The following AK5 variants were observed in gnomAD, a reference collection of about 807,000 sequenced individuals.
The protein encoded by AK5 is adenylate kinase isoenzyme 5.
A neutral mutation model predicts 69.5 loss-of-function variants in AK5; 27 were observed. The ratio of observed to expected loss-of-function variants is 0.39; its 90% confidence interval spans 0.29 to 0.54. The LOEUF is 0.54. AK5 is among the 20% of genes least tolerant of loss of function. AK5 has a pLI of 0.71. For missense variants in AK5, 531 were observed against 700.4 expected (o/e 0.76, Z 2.73); for synonymous variants, 260 against 244.4 (o/e 1.06, Z -0.60).
intron 8 of AK5, among the ~76,000 whole-genome samples, chr1:77,447,360 A>G (rs1396919508): frequency 6.6e-6 from 1 of 152,246 alleles, no homozygotes; most frequent in Non-Finnish European, 1.5e-5. Context: ...AAGGAATTCA[A>G]TAGATTTCCA....
chr1:77,484,505 C>T (rs1187071621), intron 9 of AK5, among the ~76,000 whole-genome samples: 1 of 152,098 alleles, frequency 6.6e-6, no homozygotes, highest in Admixed American at 6.5e-5. Context: ...ATCACAGTCA[C>T]CAAATGACAT....
chr1:77,341,896 T>C (rs113717268), intron 6 of AK5, among the ~76,000 whole-genome samples: 56 of 152,140 alleles, frequency 3.7e-4, no homozygotes, highest in African/African-American at 1.3e-3. Flanking sequence ...TGGTTTTTGT[T>C]TTGTTTTGGT....
chr1:77,430,029 G>C (rs933350975), intron 8 of AK5, among the ~76,000 whole-genome samples: 1 of 152,018 alleles, frequency 6.6e-6, no homozygotes, highest in African/African-American at 2.4e-5. Context: ...TCTGAGGAGG[G>C]AGGAGAGTGT....
chr1:77,542,066 C>T (rs1659306800), intron 13 of AK5, among the ~76,000 whole-genome samples: 2 of 152,194 alleles, frequency 1.3e-5, no homozygotes, highest in South Asian at 4.1e-4. Context: ...CGGTGGCTCA[C>T]ACCTGTAATC....
rs749712310 is a variant in AK5 at position 77,499,869 on chromosome 1, C to CTTTTTTTTTTTT, written c.1147+13517_1147+13518insTTTTTTTTTTTT. On this transcript the variant is annotated intron_variant, in intron 10 of 13. Transcript: ENST00000354567. ...GATGACAGAGACCATGCCCTTTTTC[C>CTTTTTTTTTTTT]ATTTTTTTTTTTTTTTTTTTTTTTT... 5.2e-4 allele frequency among the ~76,000 whole-genome samples: 41 copies of CTTTTTTTTTTTT among 78,780 alleles called. 3 individuals are homozygous for CTTTTTTTTTTTT. Among genetic ancestry groups the CTTTTTTTTTTTT allele is most frequent in the Non-Finnish European group, 6.7e-4 (28 of 42,052 alleles). 51.7% of individuals were successfully genotyped at this position (78,780 alleles called of 152,430 possible).
intron 5 of AK5, among the ~76,000 whole-genome samples, chr1:77,319,595 A>G (rs887578547): frequency 1.3e-5 from 2 of 152,132 alleles, no homozygotes; most frequent in African/African-American, 4.8e-5. Flanking sequence ...AACATTTTGT[A>G]TTTTCTGCAC....
chr1:77,470,848 TATATATATATATATATATATA>T (rs1253501663), intron 8 of AK5, among the ~76,000 whole-genome samples: 241 of 12,832 alleles, frequency 0.019, 15 homozygotes, highest in East Asian at 0.056. Context: ...TATATATATA[TATATATATATATATATATATA>T]TATATATTTT....
At chr1:77,311,159 C>T (rs1659931394) in intron 5 of AK5, among the ~76,000 whole-genome samples, 1 of 152,116 alleles carries the variant, frequency 6.6e-6, no homozygotes, top group Non-Finnish European at 1.5e-5. Context: ...CTTCTTACCA[C>T]TGCCACCTTC....
intron 10 of AK5, among the ~76,000 whole-genome samples, chr1:77,487,007 TGCC>T (rs1258978300): frequency 1.3e-5 from 2 of 152,234 alleles, no homozygotes; most frequent in African/African-American, 4.8e-5. Context: ...ATGCATCAAT[TGCC>T]TCATGTTCAA....
In AK5 at chr1:77,369,700, A is replaced by G. The variant is rs1647083832; in HGVS notation, c.891+29132A>G. On this transcript the variant is annotated intron_variant, in intron 6 of 13. Transcript: ENST00000354567. ...AAATGGTAAATGTGAATTCTTTAAA[A>G]TAAGAATGTACAATATTAGAATTAC... Among the ~76,000 whole-genome samples the G allele has an allele frequency of 3.9e-5, 6 of 152,348 alleles. No individual in the cohort carries two copies. The South Asian group carries it at 1.2e-3, about 32-fold the overall frequency.
At chr1:77,499,853 G>A (rs1656592523) in intron 10 of AK5, among the ~76,000 whole-genome samples, 1 of 132,066 alleles carries the variant, frequency 7.6e-6, no homozygotes, top group South Asian at 2.7e-4. Context: ...AGATGACAGA[G>A]ACCATGCCCT....
At chr1:77,289,786 C>T (rs1251347099) in intron 2 of AK5, among the ~76,000 whole-genome samples, 1 of 148,144 alleles carries the variant, frequency 6.8e-6, no homozygotes, top group Non-Finnish European at 1.5e-5. Context: ...TGGGGTGAAC[C>T]CGGGAGGCGG....
chr1:77,295,489 C>T (rs188171684), intron 3 of AK5, among the ~76,000 whole-genome samples: 25 of 152,176 alleles, frequency 1.6e-4, no homozygotes, highest in Admixed American at 7.9e-4. Context: ...TTATGGTAGC[C>T]GCTGTTACGC....
intron 10 of AK5, among the ~76,000 whole-genome samples, chr1:77,516,886 G>A (rs138501795): frequency 6.6e-6 from 1 of 152,030 alleles, no homozygotes; most frequent in Non-Finnish European, 1.5e-5. Flanking sequence ...CCTGGCCAAC[G>A]TAGTGAAACC....
chr1:77,343,477 A>G (rs1025021846), intron 6 of AK5, among the ~76,000 whole-genome samples: 14 of 152,114 alleles, frequency 9.2e-5, no homozygotes, highest in Non-Finnish European at 1.5e-5. Flanking sequence ...ACCTCATAAT[A>G]TTGTTGTGTG....
chr1:77,407,657 G>T (rs1398096670), intron 6 of AK5, among the ~76,000 whole-genome samples: 3 of 151,942 alleles, frequency 2.0e-5, no homozygotes, highest in Non-Finnish European at 4.4e-5. Flanking sequence ...TTGATTTGGG[G>T]TACATGTGCA....
intron 5 of AK5, among the ~76,000 whole-genome samples, chr1:77,339,578 G>C (rs1395146544): frequency 6.6e-6 from 1 of 151,842 alleles, no homozygotes. Flanking sequence ...ATTTCTCAGA[G>C]CCTCAGCTCA....
intron 13 of AK5, among the ~76,000 whole-genome samples, chr1:77,554,453 T>C (rs1037231417): frequency 2.0e-5 from 3 of 152,070 alleles, no homozygotes; most frequent in Non-Finnish European, 4.4e-5. Context: ...AGTCCCTTCA[T>C]ATGATAGAGG....
chr1:77,444,342 CACAATATATGTGTATAT>C (rs1652570531), intron 8 of AK5, among the ~76,000 whole-genome samples: 8 of 52,796 alleles, frequency 1.5e-4, no homozygotes, highest in African/African-American at 2.3e-4. Context: ...AGTATATATA[CACAATATATGTGTATAT>C]ATAGTATAAA....
Sources: allele counts gnomAD v4.1 joint callset (sites outside exome capture counted in the v4.1 genomes callset), GRCh38; gene constraint gnomAD v4.1.1; transcripts MANE v1.5; gene names NCBI Gene and HGNC (gene_info 2026-07-23, HGNC 2026-07-21).